Variants in SMARCA4 observed in about 807,000 individuals in gnomAD.
SMARCA4 encodes the protein SWI/SNF related BAF chromatin remodeling complex subunit ATPase 4, also known as SWI/SNF-related matrix-associated actin-dependent regulator of chromatin subfamily A member 4.
A neutral mutation model predicts 193.9 loss-of-function variants in SMARCA4; 31 were observed. That is an observed-to-expected ratio of 0.16 (90% CI 0.12 to 0.22). SMARCA4 has a LOEUF of 0.22. SMARCA4 is among the 10% of genes least tolerant of loss of function. The pLI, the probability that SMARCA4 is intolerant of heterozygous loss-of-function variation, is 1.00. For synonymous variants in SMARCA4, 942 were observed against 933.1 expected (o/e 1.01, Z -0.17); for missense variants, 1,148 against 2,296.0 (o/e 0.50, Z 10.22).
At chr19:11,049,043 A>G (rs887543289) in intron 30 of SMARCA4, among the ~76,000 whole-genome samples, 36 of 152,260 alleles carry the variant, frequency 2.4e-4, no homozygotes, top group African/African-American at 8.2e-4. Context: ...GTTCTGTGGT[A>G]CCATGCCGGC....
At chr19:11,028,043 G>A in intron 24 of SMARCA4, 93 bp downstream of exon 24, 1 of 1,400,790 alleles carries the variant, frequency 7.1e-7, no homozygotes, top group Non-Finnish European at 1.0e-6. Flanking sequence ...GTGAGGCAGG[G>A]TGAGGCCCAG....
chr19:10,964,762 C>T (rs768338480), intron 1 of SMARCA4, among the ~76,000 whole-genome samples: 17 of 151,940 alleles, frequency 1.1e-4, no homozygotes, highest in Non-Finnish European at 8.8e-5. Context: ...GGACTAAGGA[C>T]GTGCACCACC....
intron 30 of SMARCA4, among the ~76,000 whole-genome samples, chr19:11,045,178 G>T (rs1474377180): frequency 6.6e-6 from 1 of 152,170 alleles, no homozygotes; most frequent in African/African-American, 2.4e-5. Flanking sequence ...AAATTAGCCG[G>T]GTGTGGTGGT....
intron 29 of SMARCA4, chr19:11,039,577 T>C (rs752249689): frequency 6.7e-7 from 1 of 1,482,806 alleles, no homozygotes; most frequent in Non-Finnish European, 9.3e-7. Context: ...TGGTGGTGGG[T>C]GGCGCTGAGG....
intron 1 of SMARCA4, among the ~76,000 whole-genome samples, chr19:10,977,428 A>G (rs547647267): frequency 1.8e-4 from 28 of 151,922 alleles, no homozygotes; most frequent in African/African-American, 5.1e-4. Context: ...GGTTCAATCA[A>G]TTCTCCTGCC....
At position 11,034,374 on chromosome 19, in the gene SMARCA4, C is replaced by G. The variant is rs2075132996; in HGVS notation, c.3951+174C>G. On this transcript the variant is annotated intron_variant, in intron 28 of 34. Transcript: ENST00000344626. The surrounding 1 kb of genome is among the most constrained non-coding windows in gnomAD (Gnocchi z 7.0). ...CTGACCCGTCTTCCACCCCCAGTCT[C>G]CTGAGGATGGCATCGGAGGGCGAGA... Among the ~76,000 whole-genome samples, 1 of 152,158 alleles carries G rather than the reference C, an allele frequency of 6.6e-6. No individual in the cohort carries two copies. Among genetic ancestry groups the G allele is most frequent in the South Asian group, 2.1e-4 (1 of 4,834 alleles).
rs2145719749 is a variant in SMARCA4 at position 10,984,138 on chromosome 19, C to T, written c.-14C>T. ...TCTTCCAGCAGGAGGCCACTGTCTG[C>T]AGCTCCCGTGAAGATGTCCACTCCA... is the stretch of plus-strand genomic sequence containing the variant. On this transcript the variant is annotated 5_prime_UTR_variant, in exon 2 of 35. Transcript: ENST00000344626. The surrounding 1 kb of genome is among the most constrained non-coding windows in gnomAD (Gnocchi z 4.3). 6.2e-7 allele frequency: 1 copy of T among 1,613,578 alleles called. No individual in the cohort carries two copies. Among genetic ancestry groups the T allele is most frequent in the Non-Finnish European group, 8.5e-7 (1 of 1,179,896 alleles).
rs367781236 is a variant in SMARCA4, at chr19:10,987,008, G to C, written c.859+5G>C. On this transcript the variant is annotated splice_donor_5th_base_variant and intron_variant, in intron 5 of 34. Transcript: ENST00000344626. This position sits in a 1 kb window ranked among gnomAD's most constrained non-coding sequence, Gnocchi z 5.3. Reference sequence around the variant, plus strand: ...CTCCCAAGCCCTGGCCTGAAGGTGAGCTCCCTCTTCTATGGTGGTGCACCC... The same window carrying C: ...CTCCCAAGCCCTGGCCTGAAGGTGACCTCCCTCTTCTATGGTGGTGCACCC... The C allele has an allele frequency of 6.3e-7, 1 of 1,597,692 alleles. No homozygotes were observed. Among genetic ancestry groups the C allele is most frequent in the Non-Finnish European group, 8.5e-7 (1 of 1,174,528 alleles).
At chr19:11,049,756 G>A (rs900858555) in intron 30 of SMARCA4, among the ~76,000 whole-genome samples, 4 of 152,130 alleles carry the variant, frequency 2.6e-5, no homozygotes, top group African/African-American at 9.7e-5. Flanking sequence ...AGACCACCCC[G>A]CCAGCCACCA....
At chr19:11,061,202 AAAATATATATATATATATATAT>A (rs1310596615) in intron 34 of SMARCA4, among the ~76,000 whole-genome samples, 53 of 61,384 alleles carry the variant, frequency 8.6e-4, no homozygotes, top group Admixed American at 6.2e-4. Context: ...AAAAAAAAAA[AAAATATATATATATATATATAT>A]ATATATATAT....
chr19:10,978,112 C>T (rs1383127904), intron 1 of SMARCA4, among the ~76,000 whole-genome samples: 1 of 152,194 alleles, frequency 6.6e-6, no homozygotes, highest in Non-Finnish European at 1.5e-5. Flanking sequence ...GATCTTCCTT[C>T]CTTGCCATTT....
chr19:11,000,797 A>T (rs1441651061), intron 11 of SMARCA4, among the ~76,000 whole-genome samples: 1 of 150,684 alleles, frequency 6.6e-6, no homozygotes, highest in East Asian at 2.0e-4. Flanking sequence ...AGAATCACTT[A>T]AACCCGGGAG....
rs2089714206 is a variant in SMARCA4, at chr19:11,019,976, G to T, written c.2616+275G>T. Among the ~76,000 whole-genome samples, 1 of 152,238 alleles carries T rather than the reference G, an allele frequency of 6.6e-6. No individual in the cohort carries two copies. The highest frequency in any genetic ancestry group is 2.4e-5 in the African/African-American group (1 of 41,470). ...TCCTCTCGGGCCTTCTGCCCAGAGA[G>T]CCTCAGCACCAAGGCGTCTCCTGAC... On this transcript the variant is annotated intron_variant, in intron 18 of 34. Coordinates refer to ENST00000344626, the MANE Select transcript of SMARCA4 (RefSeq NM_003072.5). The surrounding 1 kb of genome is among the most constrained non-coding windows in gnomAD (Gnocchi z 6.1).
intron 1 of SMARCA4, among the ~76,000 whole-genome samples, chr19:10,975,043 A>G (rs1175773522): frequency 6.7e-5 from 8 of 119,364 alleles, no homozygotes; most frequent in African/African-American, 2.4e-4. Context: ...TTTTTTTGAG[A>G]CAGGGTCTCT....
In SMARCA4 at chr19:10,994,327, T is replaced by TG. The variant is rs1157622269; in HGVS notation, c.1420-501_1420-500insG. On this transcript the variant is annotated intron_variant, in intron 8 of 34. Coordinates refer to ENST00000344626, the MANE Select transcript of SMARCA4 (RefSeq NM_003072.5). Reference sequence around the variant, plus strand: ...CAAAGCGATATTCTAGGTTTTTTTTTTTTTTTTTTTTTTTGAGACAGCGTC... The same window carrying TG: ...CAAAGCGATATTCTAGGTTTTTTTTTGTTTTTTTTTTTTTTGAGACAGCGTC... Among the ~76,000 whole-genome samples, 18 of 145,724 alleles carry TG rather than the reference T, an allele frequency of 1.2e-4. 1 individual carries two copies. The East Asian group carries it at 2.4e-3, about 20-fold the overall frequency.
In SMARCA4 at chr19:11,058,678, C is replaced by T. The variant is rs2076683561; in HGVS notation, c.4534-110C>T. 1.1e-6 allele frequency: 1 copy of T among 941,468 alleles called. No individual in the cohort carries two copies. The highest frequency in any genetic ancestry group is 1.6e-5 in the African/African-American group (1 of 61,670). The allele number at this position is 941,468 out of a possible 1,614,324, so 58.3% of individuals were successfully genotyped here. ...ACCGAGGCTGGCGCTTCGGCCACAT[C>T]CTCATAGGCACGAGGAATCCTAGCC... On this transcript the variant is annotated intron_variant, in intron 31 of 34. Coordinates refer to ENST00000344626, the MANE Select transcript of SMARCA4 (RefSeq NM_003072.5). The surrounding 1 kb of genome is among the most constrained non-coding windows in gnomAD (Gnocchi z 5.8).
intron 1 of SMARCA4, among the ~76,000 whole-genome samples, chr19:10,978,864 G>T (rs919173540): frequency 1.3e-5 from 2 of 151,934 alleles, no homozygotes; most frequent in African/African-American, 4.8e-5. Context: ...CACGATAATC[G>T]CTTGAACCTA....
intron 23 of SMARCA4, among the ~76,000 whole-genome samples, chr19:11,027,204 T>A (rs1215626716): frequency 6.6e-6 from 1 of 152,232 alleles, no homozygotes; most frequent in Non-Finnish European, 1.5e-5. Flanking sequence ...TGTGTTTTTT[T>A]ATACTGAGTT....
In SMARCA4 at chr19:11,041,678, A is replaced by G; in HGVS notation, c.4424+118A>G. 1 of 836,910 alleles carries G rather than the reference A, an allele frequency of 1.2e-6. No individual in the cohort carries two copies. The highest frequency in any genetic ancestry group is 1.9e-6 in the Non-Finnish European group (1 of 533,708). 51.8% of individuals were successfully genotyped at this position (836,910 alleles called of 1,614,324 possible). On this transcript the variant is annotated intron_variant, in intron 30 of 34. Transcript: ENST00000344626. This position sits in a 1 kb window ranked among gnomAD's most constrained non-coding sequence, Gnocchi z 5.6. Reference sequence around the variant, plus strand: ...GCCGCTCACTCTTTCACTCATCCACAAACACTGACTGAATCTCTGTGTCTT... The same window carrying G: ...GCCGCTCACTCTTTCACTCATCCACGAACACTGACTGAATCTCTGTGTCTT...
Sources: gnomAD v4.1 joint callset for allele counts (sites outside exome capture counted in the v4.1 genomes callset) on GRCh38, gnomAD v4.1.1 for gene constraint, Gnocchi (gnomAD v3.1) non-coding constraint, MANE v1.5 for transcripts, NCBI Gene and HGNC (gene_info 2026-07-23, HGNC 2026-07-21) for gene names.